BCL9: variants seen among roughly 807,000 people sequenced by gnomAD.
The protein encoded by BCL9 is BCL9 transcription coactivator.
In BCL9, 25 loss-of-function variants were observed where a neutral mutation model predicts 88.5. The ratio of observed to expected loss-of-function variants is 0.28; its 90% confidence interval spans 0.21 to 0.39. The LOEUF (loss-of-function observed/expected upper bound fraction) is 0.39. Ranked by LOEUF, BCL9 falls within the 10% of genes least tolerant of loss-of-function variation. The pLI, the probability that BCL9 is intolerant of heterozygous loss-of-function variation, is 1.00. For missense variants in BCL9, 1,817 were observed against 1,877.8 expected (o/e 0.97, Z 0.60); for synonymous variants, 711 against 673.3 (o/e 1.06, Z -0.87).
At chr1:147,594,765 T>C (rs1430423243) in intron 1 of BCL9, among the ~76,000 whole-genome samples, 1 of 152,260 alleles carries the variant, frequency 6.6e-6, no homozygotes, top group Non-Finnish European at 1.5e-5. Flanking sequence ...ATATTCATTA[T>C]GTGAATTTGG....
At chr1:147,556,345 C>G (rs995430580) in intron 1 of BCL9, among the ~76,000 whole-genome samples, 2 of 151,084 alleles carry the variant, frequency 1.3e-5, no homozygotes, top group Admixed American at 6.6e-5. Flanking sequence ...AGGCTGGTCT[C>G]GAGCTCCTGA....
chr1:147,603,731 G>A (rs1442925556), intron 1 of BCL9, among the ~76,000 whole-genome samples: 1 of 151,536 alleles, frequency 6.6e-6, no homozygotes, highest in Admixed American at 6.6e-5. Context: ...GGCTGGTCTC[G>A]AACTCCTGAC....
chr1:147,577,796 C>T (rs1004156632), intron 1 of BCL9, among the ~76,000 whole-genome samples: 2 of 150,710 alleles, frequency 1.3e-5, no homozygotes, highest in African/African-American at 4.9e-5. Context: ...AGTCTACCAT[C>T]CAAGCTTTGG....
In BCL9 at chr1:147,625,205, T is replaced by TATC. The variant is rs1400236277; in HGVS notation, c.*248_*250dup. 1 of 451,198 alleles carries TATC rather than the reference T, an allele frequency of 2.2e-6. No individual in the cohort carries two copies. The highest frequency in any genetic ancestry group is 3.9e-6 in the Non-Finnish European group (1 of 258,136). The allele number at this position is 451,198 out of a possible 1,614,324, so 27.9% of individuals were successfully genotyped here. A position where few individuals can be genotyped will look rare whatever the true frequency, so the allele number is the denominator to read the frequency against. On this transcript the variant is annotated 3_prime_UTR_variant, in exon 10 of 10. Coordinates refer to ENST00000234739, the MANE Select transcript of BCL9 (RefSeq NM_004326.4). ...TAAAAATTATTTTTGTGGACTTGGG[T>TATC]ATCAATGATGGCACCTACTTTTGGG... is the stretch of plus-strand genomic sequence containing the variant.
At chr1:147,608,375 TC>T in intron 3 of BCL9, among the ~76,000 whole-genome samples, 1 of 128,324 alleles carries the variant, frequency 7.8e-6, no homozygotes. Flanking sequence ...CTACAGCCTG[TC>T]TGAATGCTGA....
At chr1:147,558,988 C>A (rs1255050330) in intron 1 of BCL9, among the ~76,000 whole-genome samples, 4 of 152,160 alleles carry the variant, frequency 2.6e-5, no homozygotes, top group African/African-American at 9.7e-5. Context: ...TCTCCTCCTC[C>A]TTTTAAACAC....
intron 1 of BCL9, among the ~76,000 whole-genome samples, chr1:147,592,833 A>G (rs964537800): frequency 3.9e-5 from 6 of 152,140 alleles, no homozygotes; most frequent in African/African-American, 1.4e-4. Context: ...ATTTATTCCC[A>G]CACTACTCTG....
intron 1 of BCL9, among the ~76,000 whole-genome samples, chr1:147,545,166 C>T (rs10494252): frequency 2.6e-5 from 4 of 152,084 alleles, no homozygotes; most frequent in Non-Finnish European, 4.4e-5. Context: ...TTTCTACATA[C>T]CCAGCATTGT....
At chr1:147,570,634 T>TCTTTTC (rs1404359858) in intron 1 of BCL9, among the ~76,000 whole-genome samples, 1 of 61,806 alleles carries the variant, frequency 1.6e-5, no homozygotes, top group South Asian at 5.5e-4. Context: ...GATTTTCTTT[T>TCTTTTC]TTTTCTTTTT....
intron 1 of BCL9, among the ~76,000 whole-genome samples, chr1:147,585,588 G>A (rs887153584): frequency 1.3e-5 from 2 of 152,094 alleles, no homozygotes; most frequent in South Asian, 2.1e-4. Context: ...CTTGAAAATC[G>A]AGTTCAGATT....
chr1:147,615,429 C>A (rs1658228209), intron 6 of BCL9, among the ~76,000 whole-genome samples: 1 of 152,118 alleles, frequency 6.6e-6, no homozygotes, highest in Non-Finnish European at 1.5e-5. Flanking sequence ...AAAAGTGAAT[C>A]TTAACAGCCT....
At position 147,607,994 on chromosome 1, in the gene BCL9, A is replaced by G. The variant is rs1415649240; in HGVS notation, c.-260+1128A>G. Among the ~76,000 whole-genome samples the G allele has an allele frequency of 3.3e-5, 5 of 152,294 alleles. No homozygotes were observed. In the East Asian group the frequency reaches 9.6e-4, roughly 29 times the overall value. ...AGAGGAACTCTAAAGTTGAGAGATC[A>G]GGTAAAAAAGGGACCTGCAAAGGAA... On this transcript the variant is annotated intron_variant, in intron 3 of 9. Coordinates refer to ENST00000234739, the MANE Select transcript of BCL9 (RefSeq NM_004326.4).
chr1:147,598,397 G>A (rs782803862), intron 1 of BCL9, among the ~76,000 whole-genome samples: 14 of 152,172 alleles, frequency 9.2e-5, no homozygotes, highest in Non-Finnish European at 1.6e-4. Flanking sequence ...GTTTTTCATA[G>A]GATCTAAGCA....
intron 8 of BCL9, 83 bp downstream of exon 8, chr1:147,621,140 T>C (rs2101622776): frequency 1.4e-6 from 2 of 1,399,088 alleles, no homozygotes; most frequent in Admixed American, 4.4e-5. Context: ...AACTGGTGTC[T>C]TGAGTACACA....
intron 1 of BCL9, among the ~76,000 whole-genome samples, chr1:147,553,258 A>G (rs1654972225): frequency 6.6e-6 from 1 of 152,100 alleles, no homozygotes; most frequent in Non-Finnish European, 1.5e-5. Context: ...AACCTCAGCT[A>G]AGCTCTCTTA....
In BCL9 at chr1:147,601,931, C is replaced by T. The variant is rs185791723; in HGVS notation, c.-477-2846C>T. On this transcript the variant is annotated intron_variant, in intron 1 of 9. Transcript: ENST00000234739. ...TTGTTTATTTTTTGAGACGGAGTCT[C>T]GCTCTGTTGCCCAGGCTGAAGTTCA... is the stretch of plus-strand genomic sequence containing the variant. Among the ~76,000 whole-genome samples, 389 of 152,314 alleles carry T rather than the reference C, an allele frequency of 2.6e-3. 3 individuals carry two copies. The highest frequency in any genetic ancestry group is 0.01 in the Middle Eastern group (3 of 294).
At position 147,580,086 on chromosome 1, in the gene BCL9, T is replaced by C. The variant is rs950906298; in HGVS notation, c.-477-24691T>C. Among the ~76,000 whole-genome samples the C allele has an allele frequency of 2.0e-5, 3 of 152,202 alleles. No individual in the cohort carries two copies. The East Asian group carries it at 5.8e-4, about 29-fold the overall frequency. The stretch of plus-strand genomic sequence containing the variant: ...CGATGTACAACATGTTTATTCATCC[T>C]CCCTGCCTCCATGCCATAGGTCTGG... On this transcript the variant is annotated intron_variant, in intron 1 of 9. Transcript: ENST00000234739.
intron 1 of BCL9, among the ~76,000 whole-genome samples, chr1:147,572,826 C>G (rs1655944302): frequency 6.6e-6 from 1 of 152,236 alleles, no homozygotes; most frequent in South Asian, 2.1e-4. Context: ...GTGACCCACC[C>G]ACCTCGGCCT....
rs1017819818 is a variant in BCL9 at position 147,624,159 on chromosome 1, G to A, written c.3481G>A (p.Gly1161Arg). The change falls in exon 10 of 10, where the codon GGG becomes AGG. Residue 1161 changes from glycine to arginine, a missense_variant. By Grantham distance (125) the Gly-to-Arg change is moderately radical. Around this residue, in one of 2 missense-constraint regions of BCL9, gnomAD observed 589 missense variants for 686.2 expected, o/e 0.86. Transcript: ENST00000234739. The surrounding 1 kb of genome is among the most constrained non-coding windows in gnomAD (Gnocchi z 4.4). ...VPFPHNGPSGGQGSFPGGMGF... is the reference protein window; with the variant it reads ...VPFPHNGPSGRQGSFPGGMGF... ...ATTCCCTCACAATGGCCCCAGTGGG[G>A]GGCAGGGCAGCTTCCCAGGAGGGAT... 1 of 1,597,342 alleles carries A rather than the reference G, an allele frequency of 6.3e-7. No homozygotes were observed. The highest frequency in any genetic ancestry group is 1.7e-5 in the Admixed American group (1 of 59,018).
Sources: gnomAD v4.1 joint callset for allele counts (sites outside exome capture counted in the v4.1 genomes callset) on GRCh38, gnomAD v4.1.1 for gene constraint, gnomAD v4.1.1 regional missense constraint, Gnocchi (gnomAD v3.1) non-coding constraint, MANE v1.5 for transcripts, NCBI Gene and HGNC (gene_info 2026-07-23, HGNC 2026-07-21) for gene names.